The following RIMS1 variants were observed in gnomAD, a reference collection of about 807,000 sequenced individuals.
The protein encoded by RIMS1 is regulating synaptic membrane exocytosis protein 1.
A neutral mutation model predicts 214.1 loss-of-function variants in RIMS1; 83 were observed. That is an observed-to-expected ratio of 0.39 (90% CI 0.32 to 0.47). The LOEUF is 0.47. Ranked by LOEUF, RIMS1 falls within the 20% of genes least tolerant of loss-of-function variation. The pLI is 0.99. For missense variants in RIMS1, 2,050 were observed against 2,161.8 expected (o/e 0.95, Z 1.03); for synonymous variants, 793 against 786.8 (o/e 1.01, Z -0.13).
intron 21 of RIMS1, 50 bp from the exon 22 acceptor site, chr6:72,265,910 G>A (rs2080310261): frequency 7.5e-7 from 1 of 1,330,072 alleles, no homozygotes; most frequent in East Asian, 2.5e-5. Context: ...TCCTTTCTTT[G>A]TTTTCTCTGT....
intron 2 of RIMS1, among the ~76,000 whole-genome samples, chr6:71,987,799 G>A (rs1800463109): frequency 6.6e-6 from 1 of 152,178 alleles, no homozygotes; most frequent in Non-Finnish European, 1.5e-5. Flanking sequence ...GTTTCATTTT[G>A]TGAAGAGAAG....
intron 4 of RIMS1, among the ~76,000 whole-genome samples, chr6:72,109,466 T>C (rs1261834462): frequency 3.3e-5 from 5 of 152,302 alleles, no homozygotes; most frequent in South Asian, 2.1e-4. Context: ...GGTGGGCATT[T>C]TTTCATGTGT....
intron 2 of RIMS1, among the ~76,000 whole-genome samples, chr6:72,010,768 C>G (rs1211688524): frequency 2.6e-5 from 4 of 152,098 alleles, no homozygotes; most frequent in Non-Finnish European, 5.9e-5. Flanking sequence ...ATCCAACTTA[C>G]AAGGGATGTG....
intron 6 of RIMS1, among the ~76,000 whole-genome samples, chr6:72,185,214 T>C (rs911145817): frequency 2.0e-5 from 3 of 152,112 alleles, no homozygotes; most frequent in African/African-American, 7.2e-5. Flanking sequence ...ATGGACAAGA[T>C]TGTAACACTG....
At chr6:72,045,160 G>C (rs895170052) in intron 2 of RIMS1, among the ~76,000 whole-genome samples, 2 of 151,850 alleles carry the variant, frequency 1.3e-5, no homozygotes, top group Non-Finnish European at 2.9e-5. Flanking sequence ...AAATGATAAG[G>C]TCAGAAAACA....
At chr6:71,936,326 CAAAAAAAAA>C (rs4034728) in intron 1 of RIMS1, among the ~76,000 whole-genome samples, 1 of 68,690 alleles carries the variant, frequency 1.5e-5, no homozygotes, top group Non-Finnish European at 2.6e-5. Flanking sequence ...GACTCCGTCT[CAAAAAAAAA>C]AAAAAAAAAA....
chr6:72,242,484 TTAG>T, intron 10 of RIMS1, 47 bp downstream of exon 10: 2 of 1,380,904 alleles, frequency 1.4e-6, no homozygotes, highest in Non-Finnish European at 2.0e-6. Flanking sequence ...ATTACATGTA[TTAG>T]TAGGGTTTTA....
At chr6:72,214,201 A>T (rs1435232987) in intron 6 of RIMS1, among the ~76,000 whole-genome samples, 1 of 152,166 alleles carries the variant, frequency 6.6e-6, no homozygotes, top group African/African-American at 2.4e-5. Flanking sequence ...TTTGAAATCC[A>T]TGAATACCAT....
chr6:71,928,008 G>T (rs6924296), intron 1 of RIMS1, among the ~76,000 whole-genome samples: 5,520 of 152,088 alleles, frequency 0.036, 338 homozygotes, highest in African/African-American at 0.13. Flanking sequence ...GTAGAAATCG[G>T]AATCTTACAT....
intron 4 of RIMS1, among the ~76,000 whole-genome samples, chr6:72,150,077 A>G (rs150754477): frequency 6.6e-6 from 1 of 152,096 alleles, no homozygotes; most frequent in East Asian, 1.9e-4. Flanking sequence ...CTCTCAGCAG[A>G]GAGGGGATGT....
At chr6:72,218,876 T>A (rs2496542) in intron 6 of RIMS1, among the ~76,000 whole-genome samples, 1 of 152,040 alleles carries the variant, frequency 6.6e-6, no homozygotes, top group African/African-American at 2.4e-5. Flanking sequence ...AAAGTGATTA[T>A]GAATTCCATA....
chr6:72,333,283 A>G (rs2096732673), intron 28 of RIMS1, among the ~76,000 whole-genome samples: 1 of 151,944 alleles, frequency 6.6e-6, no homozygotes, highest in African/African-American at 2.4e-5. Flanking sequence ...GTAACATAGT[A>G]ACTATACTGT....
intron 1 of RIMS1, among the ~76,000 whole-genome samples, chr6:71,936,506 A>G (rs555721257): frequency 2.6e-5 from 4 of 152,276 alleles, no homozygotes; most frequent in South Asian, 4.1e-4. Flanking sequence ...AAATGCCCAC[A>G]CAAAGCAGAA....
intron 6 of RIMS1, among the ~76,000 whole-genome samples, chr6:72,211,030 T>C (rs944198258): frequency 2.0e-5 from 3 of 152,206 alleles, no homozygotes; most frequent in South Asian, 2.1e-4. Context: ...GTTTAGTCAA[T>C]GAAAACCTCT....
intron 2 of RIMS1, among the ~76,000 whole-genome samples, chr6:72,036,539 C>G (rs1352247349): frequency 6.6e-6 from 1 of 152,168 alleles, no homozygotes; most frequent in Non-Finnish European, 1.5e-5. Flanking sequence ...GTAAACAGAT[C>G]TACTTCCATC....
intron 1 of RIMS1, among the ~76,000 whole-genome samples, chr6:71,894,177 G>C (rs1305429537): frequency 6.6e-6 from 1 of 152,212 alleles, no homozygotes; most frequent in African/African-American, 2.4e-5. Context: ...AGGCGTGGTG[G>C]CTCACTCCCG....
chr6:72,230,713 G>A (rs892105932), intron 6 of RIMS1, among the ~76,000 whole-genome samples: 3 of 151,564 alleles, frequency 2.0e-5, no homozygotes, highest in African/African-American at 7.3e-5. Context: ...AAATGTATGT[G>A]TAATTTAGCT....
intron 1 of RIMS1, among the ~76,000 whole-genome samples, chr6:71,895,873 G>A (rs1175919043): frequency 6.6e-6 from 1 of 152,064 alleles, no homozygotes. Context: ...CACATTTAGA[G>A]GTTCTATCCA....
At chr6:72,161,780 C>T (rs2045456399) in intron 4 of RIMS1, among the ~76,000 whole-genome samples, 1 of 140,642 alleles carries the variant, frequency 7.1e-6, no homozygotes, top group African/African-American at 2.5e-5. Context: ...TGTCCTTTCA[C>T]ATTTGCTGAG....
Sources: gnomAD v4.1 joint callset for allele counts (sites outside exome capture counted in the v4.1 genomes callset) on GRCh38, gnomAD v4.1.1 for gene constraint, MANE v1.5 for transcripts, NCBI Gene and HGNC (gene_info 2026-07-23, HGNC 2026-07-21) for gene names.